RAPGEF5: variants seen among roughly 807,000 people sequenced by gnomAD.
The protein encoded by RAPGEF5 is M-Ras-regulated GEF.
A neutral mutation model predicts 125.2 loss-of-function variants in RAPGEF5; 65 were observed. The ratio of observed to expected loss-of-function variants is 0.52; its 90% CI spans 0.43 to 0.64. The LOEUF (loss-of-function observed/expected upper bound fraction) is 0.64. RAPGEF5 is among the 30% of genes least tolerant of loss of function. The pLI is 0.00. For synonymous variants in RAPGEF5, 391 were observed against 385.9 expected, an observed-to-expected ratio of 1.01 and a Z score of -0.16; for missense variants, 958 against 1,048.1, an observed-to-expected ratio of 0.91 and a Z score of 1.19.
intron 9 of RAPGEF5, among the ~76,000 whole-genome samples, chr7:22,217,791 C>T (rs1239562494): frequency 6.6e-6 from 1 of 152,130 alleles, no homozygotes; most frequent in Non-Finnish European, 1.5e-5. Context: ...GCTGTTAATG[C>T]ACCCATGATA....
intron 7 of RAPGEF5, among the ~76,000 whole-genome samples, chr7:22,249,962 T>G (rs1346841290): frequency 6.6e-6 from 1 of 152,212 alleles, no homozygotes; most frequent in African/African-American, 2.4e-5. Context: ...CAAATTAAAT[T>G]TGACGACCAC....
Position 22,195,287 on chromosome 7 carries a change from G to A in RAPGEF5, c.997-1254C>T, listed in dbSNP as rs572542281. 9.5e-4 allele frequency among the ~76,000 whole-genome samples: 144 copies of A among 152,226 alleles called. 1 individual carries two copies. The highest frequency in any genetic ancestry group is 3.4e-3 in the African/African-American group (140 of 41,532). On this transcript the variant is annotated intron_variant, in intron 9 of 25. Transcript: ENST00000665637. The stretch of plus-strand genomic sequence containing the variant: ...ATTCACCTTTCATAAGAAGAGGAAG[G>A]CACTAATCTTGCCCTAATTGCCAGC...
intron 11 of RAPGEF5, among the ~76,000 whole-genome samples, chr7:22,168,765 G>C (rs1347693925): frequency 6.6e-6 from 1 of 152,194 alleles, no homozygotes; most frequent in Non-Finnish European, 1.5e-5. Flanking sequence ...CTTGGTTGCA[G>C]AATATCAAGG....
intron 20 of RAPGEF5, among the ~76,000 whole-genome samples, chr7:22,144,644 T>C (rs1470580774): frequency 1.3e-5 from 2 of 152,150 alleles, no homozygotes; most frequent in Non-Finnish European, 2.9e-5. Flanking sequence ...GTTCATACGG[T>C]GGGCCTCAAG....
At chr7:22,269,518 G>GA (rs1168134069) in intron 6 of RAPGEF5, among the ~76,000 whole-genome samples, 3 of 152,182 alleles carry the variant, frequency 2.0e-5, no homozygotes, top group African/African-American at 7.2e-5. Flanking sequence ...AGAAAACACA[G>GA]AAAGGACCGA....
At chr7:22,285,739 C>G (rs1397994826) in intron 6 of RAPGEF5, among the ~76,000 whole-genome samples, 1 of 152,196 alleles carries the variant, frequency 6.6e-6, no homozygotes, top group Non-Finnish European at 1.5e-5. Context: ...TGAGACAGGA[C>G]TTGACTGGCA....
chr7:22,331,257 G>A (rs1277819778), intron 1 of RAPGEF5, among the ~76,000 whole-genome samples: 1 of 152,184 alleles, frequency 6.6e-6, no homozygotes, highest in Non-Finnish European at 1.5e-5. Flanking sequence ...TTTTAAAGCA[G>A]TTCCTAAGCT....
intron 8 of RAPGEF5, among the ~76,000 whole-genome samples, chr7:22,220,703 G>C (rs1254939350): frequency 1.4e-5 from 2 of 141,464 alleles, no homozygotes; most frequent in African/African-American, 2.6e-5. Context: ...GTGAATCTAA[G>C]ACTTTGAAAT....
intron 7 of RAPGEF5, among the ~76,000 whole-genome samples, chr7:22,255,622 T>C (rs1268305315): frequency 1.3e-5 from 2 of 151,922 alleles, no homozygotes; most frequent in African/African-American, 4.8e-5. Context: ...AAAAACACAA[T>C]AGGCTAAACC....
chr7:22,287,615 A>T (rs1490305234), intron 6 of RAPGEF5, among the ~76,000 whole-genome samples: 2 of 152,222 alleles, frequency 1.3e-5, no homozygotes, highest in Non-Finnish European at 2.9e-5. Flanking sequence ...GCAACTCTGC[A>T]TTACAGACGT....
At chr7:22,157,480 G>A (rs1200525423) in intron 15 of RAPGEF5, among the ~76,000 whole-genome samples, 2 of 152,168 alleles carry the variant, frequency 1.3e-5, no homozygotes, top group Non-Finnish European at 2.9e-5. Context: ...TATTAAAAGT[G>A]CAAATATTTT....
At chr7:22,194,183 G>A (rs1447489152) in intron 9 of RAPGEF5, 150 bp from the exon 10 acceptor site, 4 of 705,258 alleles carry the variant, frequency 5.7e-6, no homozygotes, top group Non-Finnish European at 6.8e-6. Context: ...TTAGGAGTCT[G>A]GTCAAAAATC....
At chr7:22,261,852 CAA>C (rs35816236) in intron 7 of RAPGEF5, among the ~76,000 whole-genome samples, 53 of 148,622 alleles carry the variant, frequency 3.6e-4, no homozygotes, top group Admixed American at 8.1e-4. Flanking sequence ...ATTCATAGGC[CAA>C]AAAAAAAAAG....
chr7:22,152,556 G>A (rs973071019), intron 17 of RAPGEF5, among the ~76,000 whole-genome samples: 4 of 152,028 alleles, frequency 2.6e-5, no homozygotes, highest in Non-Finnish European at 2.9e-5. Context: ...TACTACATAC[G>A]TATAACTACC....
At chr7:22,233,158 CT>C (rs1786100993) in intron 7 of RAPGEF5, among the ~76,000 whole-genome samples, 1 of 152,164 alleles carries the variant, frequency 6.6e-6, no homozygotes, top group South Asian at 2.1e-4. Flanking sequence ...CTAAATTCCA[CT>C]TAAAAATGCA....
intron 7 of RAPGEF5, among the ~76,000 whole-genome samples, chr7:22,237,720 ATCC>A (rs1786228985): frequency 6.6e-6 from 1 of 152,172 alleles, no homozygotes; most frequent in Non-Finnish European, 1.5e-5. Context: ...CTTGGCAATA[ATCC>A]TCGTCTCAGA....
intron 9 of RAPGEF5, among the ~76,000 whole-genome samples, chr7:22,202,636 G>C (rs1401543444): frequency 6.6e-6 from 1 of 152,170 alleles, no homozygotes; most frequent in African/African-American, 2.4e-5. Context: ...CCGCAAGCCA[G>C]GGATATCGTC....
intron 6 of RAPGEF5, among the ~76,000 whole-genome samples, chr7:22,269,077 T>C (rs184534714): frequency 8.1e-4 from 121 of 148,530 alleles, no homozygotes; most frequent in African/African-American, 2.8e-3. Context: ...TGTACTACAC[T>C]ACATCAACTG....
Position 22,356,832 on chromosome 7 carries a change from G to C in RAPGEF5, c.229C>G (p.Arg77Gly). The change falls in exon 1 of 26, where the codon CGG becomes GGG. Residue 77 changes from arginine to glycine, a missense_variant and splice_region_variant. By Grantham distance (125) the Arg-to-Gly change is moderately radical (BLOSUM62 -2). Transcript: ENST00000665637. ...LRRKRSAAGG[R>G]TLSRRISNPY... is the part of the protein sequence containing the mutation. ...TCGGACAGGGCCGGGCCACTCACCC[G>C]GCCCCCAGCGGCGCTCCGCTTCCTC... 8.6e-7 allele frequency: 1 copy of C among 1,163,792 alleles called. No individual in the cohort carries two copies. Among genetic ancestry groups the C allele is most frequent in the South Asian group, 4.2e-5 (1 of 23,602 alleles). The allele number at this position is 1,163,792 out of a possible 1,614,324, so 72.1% of individuals were successfully genotyped here.
Sources: gnomAD v4.1 joint callset for allele counts (sites outside exome capture counted in the v4.1 genomes callset) on GRCh38, gnomAD v4.1.1 for gene constraint, MANE v1.5 for transcripts, NCBI Gene and HGNC (gene_info 2026-07-23, HGNC 2026-07-21) for gene names.